MIR2052HG: variants seen among roughly 807,000 people sequenced by gnomAD.
MIR2052HG encodes the protein MIR2052 host gene.
rs79914831 is a variant in MIR2052HG, at chr8:74,702,266, G to A, written n.217-113G>A. 2.4e-4 allele frequency: 48 copies of A among 199,578 alleles called. No individual in the cohort carries two copies. The East Asian group carries it at 5.9e-3, about 25-fold the overall frequency. The allele number at this position is 199,578 out of a possible 1,614,324, so 12.4% of individuals were successfully genotyped here. On this transcript the variant is annotated intron_variant and non_coding_transcript_variant, in intron 2 of 6. Transcript: ENST00000523442. ...AATGCCAGGTCTTCCATGTGAAAGC[G>A]ATTTTGATTAAGAAGGGATAAAAGA...
chr8:74,666,695 AG>A (rs1458889373), intron 2 of MIR2052HG, among the ~76,000 whole-genome samples: 1 of 152,230 alleles, frequency 6.6e-6, no homozygotes, highest in Non-Finnish European at 1.5e-5. Context: ...AAATTCCAAA[AG>A]ATGGTGTCGA....
intron 1 of MIR2052HG, among the ~76,000 whole-genome samples, chr8:74,602,849 C>CTTTCTTTCTTTCTTTCT (rs1167836249): frequency 7.0e-5 from 10 of 142,730 alleles, no homozygotes; most frequent in East Asian, 2.1e-4. Context: ...TTCTTTCTTT[C>CTTTCTTTCTTTCTTTCT]TTTCTTTCTT....
rs79424654 is a variant in MIR2052HG, at chr8:74,649,842, A to T, written n.216+36902A>T. On this transcript the variant is annotated intron_variant and non_coding_transcript_variant, in intron 2 of 6. Coordinates refer to ENST00000523442, the Ensembl canonical transcript of MIR2052HG. ...TGGCAATATTTATGTAATATTTTAT[A>T]TTTTTTTTCAAAGAACTCTACATCT... 3.4e-3 allele frequency among the ~76,000 whole-genome samples: 521 copies of T among 151,748 alleles called. 2 individuals are homozygous for T. Among genetic ancestry groups the T allele is most frequent in the African/African-American group, 0.012 (496 of 41,428 alleles).
exon 3 of MIR2052HG, chr8:74,702,425 T>C (rs968782933): frequency 6.6e-6 from 3 of 454,802 alleles, no homozygotes; most frequent in African/African-American, 2.0e-5. Flanking sequence ...TTTCATCTGA[T>C]TTGAAGATGA....
intron 3 of MIR2052HG, chr8:74,702,532 T>C (rs1288500333): frequency 1.9e-5 from 6 of 321,690 alleles, no homozygotes; most frequent in Non-Finnish European, 4.0e-5. Flanking sequence ...GAATGGAATA[T>C]ACATGTAAGC....
At chr8:74,614,262 G>C (rs957990110) in intron 2 of MIR2052HG, among the ~76,000 whole-genome samples, 2 of 152,244 alleles carry the variant, frequency 1.3e-5, no homozygotes, top group East Asian at 1.9e-4. Flanking sequence ...GATAATCTTT[G>C]TTGGCCTTTT....
chr8:74,718,051 T>A (rs1809538232), intron 4 of MIR2052HG, among the ~76,000 whole-genome samples: 1 of 152,202 alleles, frequency 6.6e-6, no homozygotes, highest in Non-Finnish European at 1.5e-5. Context: ...TAGCAATATA[T>A]GTTATTGGTA....
chr8:74,706,262 G>C (rs1809409236), intron 4 of MIR2052HG, among the ~76,000 whole-genome samples: 1 of 152,224 alleles, frequency 6.6e-6, no homozygotes, highest in Middle Eastern at 3.4e-3. Flanking sequence ...GACTTGAGTA[G>C]TTGTACTTCT....
At chr8:74,693,194 A>G (rs1178395892) in intron 2 of MIR2052HG, among the ~76,000 whole-genome samples, 1 of 152,210 alleles carries the variant, frequency 6.6e-6, no homozygotes, top group South Asian at 2.1e-4. Context: ...GTTGTAACCA[A>G]CTTGTCAGAA....
intron 2 of MIR2052HG, among the ~76,000 whole-genome samples, chr8:74,655,230 A>G (rs965293611): frequency 5.3e-5 from 8 of 152,112 alleles, no homozygotes; most frequent in Non-Finnish European, 1.0e-4. Flanking sequence ...TAGAAAAGAA[A>G]AACCCATTTT....
chr8:74,752,451 A>G, exon 5 of MIR2052HG: 1 of 440,824 alleles, frequency 2.3e-6, no homozygotes, highest in South Asian at 1.6e-5. Flanking sequence ...GCCCGCGTTC[A>G]GTCCAGCCAC....
At chr8:74,745,016 G>A (rs1809869577) in intron 4 of MIR2052HG, among the ~76,000 whole-genome samples, 2 of 152,130 alleles carry the variant, frequency 1.3e-5, no homozygotes, top group African/African-American at 4.8e-5. Context: ...TGTAATCTCA[G>A]CACTGTGAGA....
intron 2 of MIR2052HG, among the ~76,000 whole-genome samples, chr8:74,700,173 T>C (rs1809344574): frequency 6.6e-6 from 1 of 152,196 alleles, no homozygotes; most frequent in Non-Finnish European, 1.5e-5. Context: ...TGGAGCTTAA[T>C]GTATGAGCAC....
At chr8:74,711,952 G>A (rs1381825286) in intron 4 of MIR2052HG, among the ~76,000 whole-genome samples, 1 of 152,098 alleles carries the variant, frequency 6.6e-6, no homozygotes, top group Admixed American at 6.6e-5. Context: ...GAAGCAGATG[G>A]GAGGCTTCTG....
chr8:74,673,006 G>C (rs1030625534), intron 2 of MIR2052HG, among the ~76,000 whole-genome samples: 3 of 152,024 alleles, frequency 2.0e-5, no homozygotes, highest in Non-Finnish European at 2.9e-5. Context: ...CATGTATGCA[G>C]CTGCAAGATG....
At chr8:74,614,435 T>G (rs924104309) in intron 2 of MIR2052HG, among the ~76,000 whole-genome samples, 2 of 152,200 alleles carry the variant, frequency 1.3e-5, no homozygotes, top group African/African-American at 2.4e-5. Context: ...TTGATCTATT[T>G]GATCTATATT....
At chr8:74,655,575 CTGAAGAAT>C (rs965239259) in intron 2 of MIR2052HG, among the ~76,000 whole-genome samples, 8 of 152,170 alleles carry the variant, frequency 5.3e-5, no homozygotes, top group African/African-American at 1.9e-4. Context: ...TGTGCATGTG[CTGAAGAAT>C]TGAGGTTTCA....
chr8:74,636,523 G>T (rs1295727018), intron 2 of MIR2052HG, among the ~76,000 whole-genome samples: 1 of 152,232 alleles, frequency 6.6e-6, no homozygotes, highest in Non-Finnish European at 1.5e-5. Flanking sequence ...GATAGGTCAA[G>T]TTAGAGTGAT....
intron 2 of MIR2052HG, among the ~76,000 whole-genome samples, chr8:74,685,881 A>G (rs1809175411): frequency 6.6e-6 from 1 of 152,074 alleles, no homozygotes; most frequent in South Asian, 2.1e-4. Context: ...AAGTGGACAG[A>G]TGAGTCCTGC....
Sources: allele counts gnomAD v4.1 joint callset (sites outside exome capture counted in the v4.1 genomes callset), GRCh38; gene constraint gnomAD v4.1.1; transcripts MANE v1.5; gene names NCBI Gene and HGNC (gene_info 2026-07-23, HGNC 2026-07-21).